The following GRID1 variants were observed in gnomAD, a reference collection of about 807,000 sequenced individuals.
The protein encoded by GRID1 is glutamate receptor ionotropic, delta-1.
A neutral mutation model predicts 98.0 loss-of-function variants in GRID1; 28 were observed. The ratio of observed to expected loss-of-function variants is 0.29; its 90% CI spans 0.21 to 0.39. GRID1 has a LOEUF of 0.39. Among genes scored for constraint, GRID1 ranks in the 10% least tolerant of loss-of-function variants. The pLI is 1.00. For missense variants in GRID1, 1,111 were observed against 1,340.5 expected, an observed-to-expected ratio of 0.83 and a Z score of 2.67; for synonymous variants, 553 against 538.5, an observed-to-expected ratio of 1.03 and a Z score of -0.37.
intron 4 of GRID1, among the ~76,000 whole-genome samples, chr10:86,068,032 T>C (rs1843745082): frequency 6.6e-6 from 1 of 152,226 alleles, no homozygotes; most frequent in South Asian, 2.1e-4. Flanking sequence ...ACTACGATTT[T>C]TGGAACACTG....
At chr10:85,671,543 T>A (rs1358469110) in intron 12 of GRID1, among the ~76,000 whole-genome samples, 3 of 151,758 alleles carry the variant, frequency 2.0e-5, no homozygotes, top group African/African-American at 7.2e-5. Context: ...AGCCGTTCCC[T>A]CATCTCTCTC....
intron 5 of GRID1, among the ~76,000 whole-genome samples, chr10:85,908,382 G>A (rs1344197919): frequency 6.6e-6 from 1 of 152,120 alleles, no homozygotes; most frequent in Non-Finnish European, 1.5e-5. Flanking sequence ...AATTGCATTT[G>A]TATGTTCTAC....
chr10:86,327,134 T>G lies in GRID1; in HGVS notation c.235+36807A>C, dbSNP rs1031777338. Among the ~76,000 whole-genome samples the G allele has an allele frequency of 4.6e-5, 7 of 152,156 alleles. 1 individual carries two copies. The highest frequency in any genetic ancestry group is 8.8e-5 in the Non-Finnish European group (6 of 68,014). On this transcript the variant is annotated intron_variant, in intron 2 of 15. Transcript: ENST00000327946. ...CTGGGCGACAGAGCAACACTCCATC[T>G]CAAAAACAACAACAAAAAGAATTTG...
chr10:86,030,852 A>G (rs1843176779), intron 4 of GRID1, among the ~76,000 whole-genome samples: 1 of 152,238 alleles, frequency 6.6e-6, no homozygotes, highest in South Asian at 2.1e-4. Flanking sequence ...GGGAGCTTGC[A>G]CAGGTGAATG....
intron 3 of GRID1, among the ~76,000 whole-genome samples, chr10:86,181,195 C>T (rs1377257286): frequency 2.6e-5 from 4 of 152,228 alleles, no homozygotes; most frequent in Admixed American, 2.0e-4. Context: ...CACAGGTGAA[C>T]TTGGTTAGCT....
At chr10:85,772,371 G>A (rs573856665) in intron 8 of GRID1, among the ~76,000 whole-genome samples, 7 of 151,600 alleles carry the variant, frequency 4.6e-5, no homozygotes, top group African/African-American at 1.2e-4. Flanking sequence ...GAGAAAGCAG[G>A]AAAGATCCAA....
chr10:85,992,625 A>C (rs999034940), intron 4 of GRID1, among the ~76,000 whole-genome samples: 3 of 150,964 alleles, frequency 2.0e-5, no homozygotes, highest in Non-Finnish European at 3.0e-5. Context: ...TGGGGGGGGA[A>C]CAAATGGTAA....
At chr10:86,320,119 G>T (rs191828915) in intron 2 of GRID1, among the ~76,000 whole-genome samples, 1 of 152,214 alleles carries the variant, frequency 6.6e-6, no homozygotes, top group Non-Finnish European at 1.5e-5. Flanking sequence ...TATAGATTAC[G>T]GTAAAGCAAG....
At chr10:85,967,714 T>A (rs535505788) in intron 4 of GRID1, among the ~76,000 whole-genome samples, 9 of 152,286 alleles carry the variant, frequency 5.9e-5, no homozygotes, top group Admixed American at 2.0e-4. Flanking sequence ...GAAGGAGAAC[T>A]CAGGGAGACT....
At chr10:85,878,034 A>C (rs1288498789) in intron 5 of GRID1, among the ~76,000 whole-genome samples, 3 of 152,250 alleles carry the variant, frequency 2.0e-5, no homozygotes, top group Non-Finnish European at 4.4e-5. Flanking sequence ...TGGAAGACGA[A>C]ATGAATGAAA....
rs181132155 is a variant in GRID1 at position 86,307,996 on chromosome 10, C to G, written c.235+55945G>C. ...GGCACCATGCTGTGCAGGGGATCCC[C>G]GGAACTTACTCATCTCATACAACTG... On this transcript the variant is annotated intron_variant, in intron 2 of 15. Transcript: ENST00000327946. 2.6e-5 allele frequency among the ~76,000 whole-genome samples: 4 copies of G among 152,136 alleles called. No homozygotes were observed. In the South Asian group the frequency reaches 8.3e-4, roughly 31 times the overall value.
chr10:85,720,461 T>C (rs781161230), intron 12 of GRID1, among the ~76,000 whole-genome samples: 3 of 152,018 alleles, frequency 2.0e-5, no homozygotes, highest in Admixed American at 6.6e-5. Flanking sequence ...TAGTATGGTG[T>C]TGGCAAAGGG....
intron 8 of GRID1, among the ~76,000 whole-genome samples, chr10:85,816,188 T>A (rs74870897): frequency 3.3e-5 from 5 of 152,248 alleles, no homozygotes; most frequent in Non-Finnish European, 5.9e-5. Context: ...TACATCCAAA[T>A]GAATTAAAAC....
At chr10:85,854,915 T>C (rs1444053597) in intron 7 of GRID1, among the ~76,000 whole-genome samples, 2 of 152,218 alleles carry the variant, frequency 1.3e-5, no homozygotes, top group Non-Finnish European at 2.9e-5. Flanking sequence ...AGATTAAACA[T>C]TGGTAGCTTT....
intron 12 of GRID1, among the ~76,000 whole-genome samples, chr10:85,701,045 C>G (rs564173969): frequency 1.6e-4 from 24 of 152,180 alleles, no homozygotes; most frequent in African/African-American, 5.8e-4. Context: ...CTGAAATGAA[C>G]AGGCCATTTT....
chr10:85,656,512 C>T (rs1219901258), intron 12 of GRID1, among the ~76,000 whole-genome samples: 2 of 152,154 alleles, frequency 1.3e-5, no homozygotes, highest in Non-Finnish European at 2.9e-5. Flanking sequence ...GGCAATCACC[C>T]GTCTGACCAC....
In GRID1 at chr10:85,605,153, C is replaced by T. The variant is rs112192710; in HGVS notation, c.2602-2452G>A. On this transcript the variant is annotated intron_variant, in intron 15 of 15. Coordinates refer to ENST00000327946, the MANE Select transcript of GRID1 (RefSeq NM_017551.3). Reference sequence around the variant, plus strand: ...TGACTCTTGCCCAGCATCAAGCCTGCATCTCTAGCATTCTTGGGGCTGCTA... The same window carrying T: ...TGACTCTTGCCCAGCATCAAGCCTGTATCTCTAGCATTCTTGGGGCTGCTA... 1.6e-3 allele frequency among the ~76,000 whole-genome samples: 238 copies of T among 152,336 alleles called. 3 individuals carry two copies. Among genetic ancestry groups the T allele is most frequent in the African/African-American group, 5.4e-3 (226 of 41,570 alleles).
intron 4 of GRID1, among the ~76,000 whole-genome samples, chr10:85,953,389 G>A (rs1564634329): frequency 6.6e-6 from 1 of 152,120 alleles, no homozygotes; most frequent in East Asian, 1.9e-4. Context: ...GGCAGGGAGA[G>A]GATCAGGAAA....
chr10:85,693,648 G>A (rs573680881), intron 12 of GRID1, among the ~76,000 whole-genome samples: 2 of 152,154 alleles, frequency 1.3e-5, no homozygotes, highest in African/African-American at 2.4e-5. Context: ...ACATCCAACT[G>A]ATCTTTAGCA....
Sources: gnomAD v4.1 joint callset for allele counts (sites outside exome capture counted in the v4.1 genomes callset) on GRCh38, gnomAD v4.1.1 for gene constraint, MANE v1.5 for transcripts, NCBI Gene and HGNC (gene_info 2026-07-23, HGNC 2026-07-21) for gene names.